The following NUDT13 variants were observed in gnomAD, a reference collection of about 807,000 sequenced individuals.
NUDT13 encodes NAD(P)H pyrophosphatase NUDT13, mitochondrial.
In NUDT13, 40 loss-of-function variants were observed where a neutral mutation model predicts 41.7. The ratio of observed to expected loss-of-function variants is 0.96; its 90% CI spans 0.75 to 1.25. The LOEUF (loss-of-function observed/expected upper bound fraction) is 1.25. Among genes scored for constraint, NUDT13 ranks in the 50% most tolerant of loss-of-function variants. The probability of loss-of-function intolerance (pLI) is 0.00; values close to 1 mark genes in which losing one functional copy is unlikely to be tolerated. For missense variants in NUDT13, 390 were observed against 416.1 expected, an observed-to-expected ratio of 0.94 and a Z score of 0.55; for synonymous variants, 145 against 155.5, an observed-to-expected ratio of 0.93 and a Z score of 0.50.
chr10:73,126,960 A>G (rs953288671), intron 8 of NUDT13, 133 bp downstream of exon 8: 2 of 813,470 alleles, frequency 2.5e-6, no homozygotes, highest in Admixed American at 4.6e-5. Flanking sequence ...AATATGATTT[A>G]GGGCTGAGCA....
intron 8 of NUDT13, among the ~76,000 whole-genome samples, chr10:73,129,664 C>A (rs1435508076): frequency 3.4e-5 from 5 of 148,228 alleles, no homozygotes; most frequent in Middle Eastern, 3.4e-3. Flanking sequence ...CTATCATTAA[C>A]CCTTACCCTT....
At chr10:73,119,909 G>A (rs1842601425) in intron 2 of NUDT13, 109 bp from the exon 3 acceptor site, 7 of 1,159,830 alleles carry the variant, frequency 6.0e-6, no homozygotes, top group Non-Finnish European at 7.4e-6. Context: ...ATAAATAAAG[G>A]GAAATAACCA....
At chr10:73,127,722 T>C in intron 8 of NUDT13, among the ~76,000 whole-genome samples, 1 of 151,226 alleles carries the variant, frequency 6.6e-6, no homozygotes, top group Non-Finnish European at 1.5e-5. Flanking sequence ...CTTTTATTTT[T>C]CTCCCACCCC....
intron 2 of NUDT13, among the ~76,000 whole-genome samples, chr10:73,115,502 A>G (rs1842486323): frequency 6.6e-6 from 1 of 152,162 alleles, no homozygotes; most frequent in Non-Finnish European, 1.5e-5. Context: ...TAAATATCCA[A>G]TAATATCTAA....
At chr10:73,119,924 AAG>A in intron 2 of NUDT13, 92 bp from the exon 3 acceptor site, 1 of 1,266,736 alleles carries the variant, frequency 7.9e-7, no homozygotes, top group Non-Finnish European at 1.1e-6. Flanking sequence ...TAACCATGGT[AAG>A]AGAGGGATGC....
intron 3 of NUDT13, among the ~76,000 whole-genome samples, chr10:73,121,807 G>GC (rs1766058604): frequency 1.3e-5 from 2 of 151,844 alleles, no homozygotes; most frequent in Admixed American, 6.6e-5. Context: ...GATCCTCCCT[G>GC]CCCCCCAGCC....
chr10:73,112,421 T>C (rs1201255092), intron 1 of NUDT13, among the ~76,000 whole-genome samples: 2 of 122,228 alleles, frequency 1.6e-5, no homozygotes, highest in African/African-American at 3.4e-5. Flanking sequence ...GTCTGTGTCC[T>C]TTTTTTTATA....
intron 2 of NUDT13, among the ~76,000 whole-genome samples, chr10:73,117,699 T>A (rs936527382): frequency 2.0e-4 from 30 of 152,282 alleles, no homozygotes; most frequent in Admixed American, 5.2e-4. Flanking sequence ...TGTATAATAG[T>A]AATCGCTTAG....
chr10:73,121,202 C>T (rs934560564), intron 3 of NUDT13, among the ~76,000 whole-genome samples: 15 of 152,170 alleles, frequency 9.9e-5, no homozygotes, highest in Middle Eastern at 6.8e-3. Context: ...AGTGAGACCC[C>T]GTCTCTACCC....
At chr10:73,129,364 G>A (rs1169100717) in intron 8 of NUDT13, among the ~76,000 whole-genome samples, 1 of 151,318 alleles carries the variant, frequency 6.6e-6, no homozygotes, top group East Asian at 2.0e-4. Flanking sequence ...TTAGAGATGG[G>A]GGTTCCACCA....
chr10:73,131,178 C>CTT lies in NUDT13; in HGVS notation c.*276_*277dup. 1 of 330,702 alleles carries CTT rather than the reference C, an allele frequency of 3.0e-6. No homozygotes were observed. The highest frequency in any genetic ancestry group is 3.4e-5 in the South Asian group (1 of 29,344). 20.5% of individuals were successfully genotyped at this position (330,702 alleles called of 1,614,324 possible). A position where few individuals can be genotyped will look rare whatever the true frequency, so the allele number is the denominator to read the frequency against. On this transcript the variant is annotated 3_prime_UTR_variant, in exon 9 of 9. Coordinates refer to ENST00000357321, the MANE Select transcript of NUDT13 (RefSeq NM_015901.6). ...GGAAGCATTAGTTTGGATGTAGGCC[C>CTT]TTGTTCAGTCATTTTCTCTAAGGCC...
intron 8 of NUDT13, among the ~76,000 whole-genome samples, chr10:73,129,167 C>CTTTTTTTTTTTTT (rs900393888): frequency 9.1e-6 from 1 of 110,208 alleles, no homozygotes; most frequent in African/African-American, 3.6e-5. Context: ...AAGACGTTGT[C>CTTTTTTTTTTTTT]TTTTTTTTTT....
intron 5 of NUDT13, chr10:73,124,540 T>G: frequency 2.0e-6 from 1 of 506,852 alleles, no homozygotes; most frequent in Non-Finnish European, 3.5e-6. Flanking sequence ...CATTGTCTCC[T>G]AAAGACATGC....
intron 3 of NUDT13, among the ~76,000 whole-genome samples, chr10:73,121,118 A>C (rs1249681876): frequency 6.6e-6 from 1 of 152,122 alleles, no homozygotes; most frequent in Non-Finnish European, 1.5e-5. Flanking sequence ...TCATGCCTGT[A>C]ATCCCAGCAC....
At chr10:73,119,265 C>T (rs1191473556) in intron 2 of NUDT13, among the ~76,000 whole-genome samples, 2 of 151,986 alleles carry the variant, frequency 1.3e-5, no homozygotes, top group Non-Finnish European at 2.9e-5. Context: ...AGGCTGGTCT[C>T]GAACTCCTGA....
At chr10:73,117,557 CAAAA>C (rs75939322) in intron 2 of NUDT13, among the ~76,000 whole-genome samples, 2 of 49,936 alleles carry the variant, frequency 4.0e-5, no homozygotes, top group Non-Finnish European at 4.3e-5. Context: ...AACTCAGTCT[CAAAA>C]AAAAAAAAAA....
chr10:73,118,174 G>C (rs1190286783), intron 2 of NUDT13, among the ~76,000 whole-genome samples: 1 of 152,182 alleles, frequency 6.6e-6, no homozygotes, highest in Non-Finnish European at 1.5e-5. Context: ...CATGCATTGA[G>C]TCTTTGCCCC....
chr10:73,123,684 A>G (rs114802024), intron 4 of NUDT13, among the ~76,000 whole-genome samples: 6,117 of 152,148 alleles, frequency 0.04, 350 homozygotes, highest in African/African-American at 0.12. Flanking sequence ...TTATTTTGAG[A>G]TGGAGTTTTG....
chr10:73,124,122 TG>T, intron 4 of NUDT13, 91 bp from the exon 5 acceptor site: 1 of 856,286 alleles, frequency 1.2e-6, no homozygotes, highest in South Asian at 1.5e-5. Context: ...GAGGCAAGTT[TG>T]GGAAACACTA....
Sources: gnomAD v4.1 joint callset for allele counts (sites outside exome capture counted in the v4.1 genomes callset) on GRCh38, gnomAD v4.1.1 for gene constraint, MANE v1.5 for transcripts, NCBI Gene and HGNC (gene_info 2026-07-23, HGNC 2026-07-21) for gene names.